Variants in TENM3 observed in about 807,000 individuals in gnomAD.
TENM3 encodes the protein teneurin transmembrane protein 3.
In TENM3, 63 loss-of-function variants were observed where a neutral mutation model predicts 255.1. The observed-to-expected ratio is 0.25, with a 90% CI of 0.20 to 0.30. TENM3 has a LOEUF of 0.30. Among genes scored for constraint, TENM3 ranks in the 10% least tolerant of loss-of-function variants. The probability of loss-of-function intolerance (pLI) is 1.00; values close to 1 mark genes in which losing one functional copy is unlikely to be tolerated. For synonymous variants in TENM3, 1,306 were observed against 1,322.3 expected, an observed-to-expected ratio of 0.99 and a Z score of 0.27; for missense variants, 2,929 against 3,461.1, an observed-to-expected ratio of 0.85 and a Z score of 3.86.
chr4:181,646,381 G>T, the TENM3 span, among the ~76,000 whole-genome samples: 2 of 152,174 alleles, frequency 1.3e-5, no homozygotes, highest in Non-Finnish European at 2.9e-5. Context: ...GCCCCACAGA[G>T]TGTGGTGATC....
At chr4:182,437,607 C>G (rs2151231993) in intron 3 of TENM3, among the ~76,000 whole-genome samples, 1 of 152,142 alleles carries the variant, frequency 6.6e-6, no homozygotes. Context: ...ACCAGCCTGG[C>G]CAACATGGTG....
intron 1 of TENM3, among the ~76,000 whole-genome samples, chr4:182,319,894 C>T (rs1352915388): frequency 1.3e-5 from 2 of 152,198 alleles, no homozygotes; most frequent in Non-Finnish European, 2.9e-5. Flanking sequence ...GGGCAGATCA[C>T]CTGACGTCAG....
At chr4:182,085,490 T>C in the TENM3 span, among the ~76,000 whole-genome samples, 1 of 152,172 alleles carries the variant, frequency 6.6e-6, no homozygotes, top group African/African-American at 2.4e-5. Context: ...TTATAATATA[T>C]AACATATTAA....
the TENM3 span, among the ~76,000 whole-genome samples, chr4:182,128,129 G>T: frequency 6.6e-6 from 1 of 151,518 alleles, no homozygotes; most frequent in East Asian, 1.9e-4. Flanking sequence ...TTGTTGTTTT[G>T]GTCAAAAGGA....
At chr4:181,844,677 A>G in the TENM3 span, among the ~76,000 whole-genome samples, 1 of 151,926 alleles carries the variant, frequency 6.6e-6, no homozygotes, top group Non-Finnish European at 1.5e-5. Context: ...CAAAAAAATA[A>G]AATAAAATAA....
chr4:181,632,550 AGAG>A, the TENM3 span, among the ~76,000 whole-genome samples: 2 of 152,220 alleles, frequency 1.3e-5, no homozygotes, highest in Non-Finnish European at 2.9e-5. Flanking sequence ...TGGGAAAATG[AGAG>A]GAGATCTATA....
chr4:181,579,323 C>G, the TENM3 span, among the ~76,000 whole-genome samples: 2 of 152,162 alleles, frequency 1.3e-5, no homozygotes, highest in Non-Finnish European at 2.9e-5. Flanking sequence ...TACTCTGACT[C>G]GTTTGCAAAC....
intron 3 of TENM3, among the ~76,000 whole-genome samples, chr4:182,410,933 T>G (rs1446855265): frequency 6.6e-6 from 1 of 152,230 alleles, no homozygotes; most frequent in Admixed American, 6.5e-5. Context: ...TCCTCCTACC[T>G]GTACATTAAT....
chr4:182,236,653 C>G (rs1756916551), intron 1 of TENM3, among the ~76,000 whole-genome samples: 1 of 152,136 alleles, frequency 6.6e-6, no homozygotes, highest in African/African-American at 2.4e-5. Flanking sequence ...CAAGGTTACT[C>G]TGGTATGTGA....
the TENM3 span, among the ~76,000 whole-genome samples, chr4:181,461,817 G>A: frequency 2.0e-5 from 3 of 151,888 alleles, no homozygotes; most frequent in Non-Finnish European, 1.5e-5. Flanking sequence ...TGTTCTTTCC[G>A]GATAATTCCA....
At chr4:182,648,961 T>C (rs536298737) in intron 5 of TENM3, among the ~76,000 whole-genome samples, 166 of 152,342 alleles carry the variant, frequency 1.1e-3, no homozygotes, top group African/African-American at 3.9e-3. Flanking sequence ...ATAATTTGTT[T>C]TTCCATTCTA....
chr4:182,773,709 C>G, intron 23 of TENM3, 62 bp downstream of exon 23: 2 of 1,467,898 alleles, frequency 1.4e-6, no homozygotes, highest in Non-Finnish European at 1.9e-6. Flanking sequence ...TGCGGCAACA[C>G]CCACTTTCCA....
At position 182,719,301 on chromosome 4, in the gene TENM3, T is replaced by G. The variant is rs1039352210; in HGVS notation, c.2368+5068T>G. 5.6e-5 allele frequency among the ~76,000 whole-genome samples: 7 copies of G among 124,254 alleles called. No individual in the cohort carries two copies. In the East Asian group the frequency reaches 2.1e-3, roughly 37 times the overall value. 81.5% of individuals were successfully genotyped at this position (124,254 alleles called of 152,430 possible). Reference sequence around the variant, plus strand: ...TTTTGAGACGGAGTCTCGCTCTGTCTCCCAGGCTGCAGTGCAATGGCGTGG... The same window carrying G: ...TTTTGAGACGGAGTCTCGCTCTGTCGCCCAGGCTGCAGTGCAATGGCGTGG... On this transcript the variant is annotated intron_variant, in intron 13 of 27. Transcript: ENST00000511685.
chr4:181,977,680 G>T, the TENM3 span, among the ~76,000 whole-genome samples: 1 of 152,132 alleles, frequency 6.6e-6, no homozygotes, highest in African/African-American at 2.4e-5. Context: ...CCTTTTGAGG[G>T]CCTCTTCTTC....
chr4:182,768,839 G>C (rs923842213), intron 22 of TENM3, among the ~76,000 whole-genome samples: 1 of 152,142 alleles, frequency 6.6e-6, no homozygotes, highest in Non-Finnish European at 1.5e-5. Flanking sequence ...GAGAGCCTGA[G>C]GAAGTTTGTC....
At chr4:181,522,841 T>C in the TENM3 span, 14 of 949,304 alleles carry the variant, frequency 1.5e-5, no homozygotes, top group Admixed American at 2.3e-4. Context: ...GAATTTTCAA[T>C]GCAGGCTCTA....
intron 1 of TENM3, among the ~76,000 whole-genome samples, chr4:182,275,766 T>C (rs1280394126): frequency 2.6e-5 from 4 of 151,936 alleles, no homozygotes; most frequent in Admixed American, 2.6e-4. Flanking sequence ...GCAAGACCCA[T>C]TTCTCCAAAA....
At chr4:182,207,534 G>C (rs1561197621) in intron 1 of TENM3, among the ~76,000 whole-genome samples, 2 of 152,194 alleles carry the variant, frequency 1.3e-5, no homozygotes, top group Non-Finnish European at 2.9e-5. Flanking sequence ...AATTATAGCT[G>C]ATGCTCCCCC....
intron 22 of TENM3, among the ~76,000 whole-genome samples, chr4:182,759,096 G>A (rs960534336): frequency 6.6e-6 from 1 of 152,182 alleles, no homozygotes; most frequent in Non-Finnish European, 1.5e-5. Flanking sequence ...AAGAGAATTA[G>A]TTGCAATTAC....
Sources: allele counts gnomAD v4.1 joint callset (sites outside exome capture counted in the v4.1 genomes callset), GRCh38; gene constraint gnomAD v4.1.1; transcripts MANE v1.5; gene names NCBI Gene and HGNC (gene_info 2026-07-23, HGNC 2026-07-21).